MYL4: variants seen among roughly 807,000 people sequenced by gnomAD.
MYL4 encodes the protein myosin light chain 4, also known as atrial myosin light chain 1.
In MYL4, 16 loss-of-function variants were observed where a neutral mutation model predicts 21.6. That is an observed-to-expected ratio of 0.74 (90% CI 0.50 to 1.12). The LOEUF is 1.12. Ranked by LOEUF, MYL4 falls within the 50% of genes most tolerant of loss-of-function variation. The probability of loss-of-function intolerance (pLI) is 0.00; values close to 1 mark genes in which losing one functional copy is unlikely to be tolerated. For missense variants in MYL4, 249 were observed against 252.9 expected, an observed-to-expected ratio of 0.98 and a Z score of 0.11; for synonymous variants, 82 against 95.7, an observed-to-expected ratio of 0.86 and a Z score of 0.83.
intron 2 of MYL4, among the ~76,000 whole-genome samples, chr17:47,218,691 G>T (rs375041136): frequency 1.3e-5 from 2 of 152,196 alleles, no homozygotes; most frequent in South Asian, 2.1e-4. Context: ...GGAGGCTGAG[G>T]CACAGGAATT....
At chr17:47,194,246 A>G in the MYL4 span, among the ~76,000 whole-genome samples, 1 of 152,228 alleles carries the variant, frequency 6.6e-6, no homozygotes, top group Non-Finnish European at 1.5e-5. Flanking sequence ...CCAGTTTAAG[A>G]TATCACCATC....
At chr17:47,197,421 A>T (rs997982858), upstream of MYL4, among the ~76,000 whole-genome samples, 2 of 152,178 alleles carry the variant, frequency 1.3e-5, no homozygotes, top group African/African-American at 2.4e-5. Flanking sequence ...ATTTAAAGTC[A>T]AGGCAGTATC....
chr17:47,207,193 T>C (rs1322443912), upstream of MYL4, among the ~76,000 whole-genome samples: 1 of 152,160 alleles, frequency 6.6e-6, no homozygotes, highest in South Asian at 2.1e-4. Context: ...AGTATTCCCT[T>C]GAGCAAGTCC....
chr17:47,202,252 T>C (rs2064712471), intron 1 of MYL4, among the ~76,000 whole-genome samples: 1 of 152,148 alleles, frequency 6.6e-6, no homozygotes. Flanking sequence ...TCCCAAAGTG[T>C]TGGGATTACA....
chr17:47,225,165 G>A (rs1313762096), downstream of MYL4, among the ~76,000 whole-genome samples: 4 of 152,152 alleles, frequency 2.6e-5, no homozygotes, highest in Non-Finnish European at 5.9e-5. Flanking sequence ...AAGGCTGCCT[G>A]CCTGTCATGG....
At chr17:47,190,406 AGGG>A in the MYL4 span, among the ~76,000 whole-genome samples, 15 of 152,196 alleles carry the variant, frequency 9.9e-5, no homozygotes, top group African/African-American at 2.7e-4. Flanking sequence ...AGAGTGAACC[AGGG>A]GACTGTTTAA....
At chr17:47,194,011 A>G in the MYL4 span, among the ~76,000 whole-genome samples, 1 of 152,196 alleles carries the variant, frequency 6.6e-6, no homozygotes, top group Non-Finnish European at 1.5e-5. Context: ...TGGCCTCCCA[A>G]AGTGCTGGGA....
chr17:47,208,550 TACACACACACACACACACACACACACAC>T (rs55886095), upstream of MYL4, among the ~76,000 whole-genome samples: 1 of 145,870 alleles, frequency 6.9e-6, no homozygotes, highest in Non-Finnish European at 1.5e-5. Flanking sequence ...TAGTAAGCAC[TACACACACACACACACACACACACACAC>T]ACACACACAC....
downstream of MYL4, among the ~76,000 whole-genome samples, chr17:47,225,790 C>T (rs1416648499): frequency 6.6e-6 from 1 of 152,020 alleles, no homozygotes; most frequent in African/African-American, 2.4e-5. Flanking sequence ...TAAATCACAC[C>T]CCCAGTTTGA....
chr17:47,202,219 GAA>G (rs1403790352), intron 1 of MYL4, among the ~76,000 whole-genome samples: 1 of 152,014 alleles, frequency 6.6e-6, no homozygotes, highest in Non-Finnish European at 1.5e-5. Context: ...CTCCTGACCT[GAA>G]GTGATCCACC....
intron 4 of MYL4, 126 bp from the exon 5 acceptor site, chr17:47,222,254 T>C: frequency 2.2e-6 from 2 of 923,356 alleles, no homozygotes; most frequent in Non-Finnish European, 1.8e-6. Flanking sequence ...GGGAGAGGCT[T>C]GGTTTGAACC....
chr17:47,220,506 ATTGT>A (rs1205431865), intron 3 of MYL4, among the ~76,000 whole-genome samples: 3 of 152,206 alleles, frequency 2.0e-5, no homozygotes, highest in Non-Finnish European at 4.4e-5. Context: ...ACGTTTGCAA[ATTGT>A]TTGGTATAAA....
upstream of MYL4, among the ~76,000 whole-genome samples, chr17:47,197,804 T>C (rs2064695113): frequency 6.6e-6 from 1 of 152,192 alleles, no homozygotes; most frequent in Non-Finnish European, 1.5e-5. Context: ...GTAGGTTAGG[T>C]GTATTAAATG....
At position 47,209,464 on chromosome 17, in the gene MYL4, GCCAGCTCCAGCT is replaced by G. The variant is rs763415247; in HGVS notation, c.54_65del (p.Ala28_Pro31del). The stretch of plus-strand genomic sequence containing the variant: ...CTGAGCCTAAGAAGGAGGCAGCCAA[GCCAGCTCCAGCT>G]CCAGCTCCAGCCCCTGCACCAGCCC... On this transcript the variant is annotated inframe_deletion, in exon 1 of 7. Coordinates refer to ENST00000393450, the MANE Select transcript of MYL4 (RefSeq NM_002476.2). 1.9e-6 allele frequency: 3 copies of G among 1,614,192 alleles called. No individual in the cohort carries two copies. The highest frequency in any genetic ancestry group is 1.1e-5 in the South Asian group (1 of 91,084).
At chr17:47,195,306 C>A in the MYL4 span, among the ~76,000 whole-genome samples, 1 of 150,406 alleles carries the variant, frequency 6.6e-6, no homozygotes, top group African/African-American at 2.5e-5. Context: ...CTTGGCTCAC[C>A]GCAACCTCTG....
Position 47,214,087 on chromosome 17 carries a change from A to G in MYL4, c.163+261A>G, listed in dbSNP as rs181096058. ...TTTTACAAGTGATAAACTGAGACAC[A>G]TAGAGATTGGGTGACTTGCCCAGTC... On this transcript the variant is annotated intron_variant, in intron 2 of 6. Coordinates refer to ENST00000393450, the MANE Select transcript of MYL4 (RefSeq NM_002476.2). Among the ~76,000 whole-genome samples, 5 of 152,352 alleles carry G rather than the reference A, an allele frequency of 3.3e-5. No individual in the cohort carries two copies. In the East Asian group the frequency reaches 9.6e-4, roughly 29 times the overall value.
downstream of MYL4, among the ~76,000 whole-genome samples, chr17:47,225,960 A>G (rs1211092267): frequency 6.8e-6 from 1 of 146,500 alleles, no homozygotes; most frequent in Admixed American, 7.1e-5. Flanking sequence ...GGTTTGGTGT[A>G]CAGATTATTT....
chr17:47,189,582 A>G, the MYL4 span, among the ~76,000 whole-genome samples: 336 of 152,396 alleles, frequency 2.2e-3, 1 homozygote, highest in African/African-American at 7.5e-3. Flanking sequence ...GTGGCGTGAC[A>G]GCGCGGGCGG....
chr17:47,216,282 C>T (rs1334417995), intron 2 of MYL4, among the ~76,000 whole-genome samples: 2 of 150,718 alleles, frequency 1.3e-5, no homozygotes, highest in South Asian at 2.1e-4. Flanking sequence ...TGAACATCAC[C>T]TCTAATACCT....
Sources: gnomAD v4.1 joint callset for allele counts (sites outside exome capture counted in the v4.1 genomes callset) on GRCh38, gnomAD v4.1.1 for gene constraint, MANE v1.5 for transcripts, NCBI Gene and HGNC (gene_info 2026-07-23, HGNC 2026-07-21) for gene names.